Variants in SMARCAL1 observed in about 807,000 individuals in gnomAD.
The protein encoded by SMARCAL1 is SNF2 related chromatin remodeling annealing helicase 1.
Under a neutral mutation model 94.5 loss-of-function variants are expected in SMARCAL1, and 58 were observed. That is an observed-to-expected ratio of 0.61 (90% CI 0.50 to 0.76). The LOEUF (loss-of-function observed/expected upper bound fraction) is 0.76. Ranked by LOEUF, SMARCAL1 falls within the 30% of genes least tolerant of loss-of-function variation. The pLI is 0.00. For synonymous variants in SMARCAL1, 422 were observed against 455.1 expected (o/e 0.93, Z 0.93); for missense variants, 1,051 against 1,177.9 (o/e 0.89, Z 1.58).
intron 7 of SMARCAL1, 130 bp from the exon 8 acceptor site, chr2:216,432,588 G>A (rs924142656): frequency 1.5e-4 from 155 of 1,039,514 alleles, no homozygotes; most frequent in East Asian, 1.4e-3. Context: ...TGGGGAGCAA[G>A]TCTGGTGGTG....
intron 12 of SMARCAL1, among the ~76,000 whole-genome samples, chr2:216,464,302 C>G (rs1363258780): frequency 6.6e-6 from 1 of 152,194 alleles, no homozygotes; most frequent in African/African-American, 2.4e-5. Flanking sequence ...TATGGTGAAG[C>G]CCTACCTGAA....
At position 216,428,800 on chromosome 2, in the gene SMARCAL1, C is replaced by T. The variant is rs765624418; in HGVS notation, c.1334+18C>T. On this transcript the variant is annotated intron_variant, in intron 7 of 17. Transcript: ENST00000357276. ...GGAGTCAAGTAGGTTCTTGATCTTC[C>T]TCTCTCTTCCTCTGTTGCTCAAATT... 1 of 1,604,558 alleles carries T rather than the reference C, an allele frequency of 6.2e-7. No individual in the cohort carries two copies. Among genetic ancestry groups the T allele is most frequent in the Non-Finnish European group, 8.5e-7 (1 of 1,171,556 alleles).
At chr2:216,460,084 A>T (rs1694661927) in intron 12 of SMARCAL1, among the ~76,000 whole-genome samples, 2 of 152,216 alleles carry the variant, frequency 1.3e-5, no homozygotes, top group African/African-American at 4.8e-5. Context: ...CACATGAAAA[A>T]ATGCTCATCA....
chr2:216,416,073 A>G (rs889634585), intron 3 of SMARCAL1, 184 bp from the exon 4 acceptor site: 30 of 595,238 alleles, frequency 5.0e-5, no homozygotes, highest in East Asian at 4.6e-4. Flanking sequence ...ATTCCACTAC[A>G]TGGAATAAAA....
At chr2:216,444,932 C>T (rs1694273909) in intron 10 of SMARCAL1, among the ~76,000 whole-genome samples, 1 of 152,218 alleles carries the variant, frequency 6.6e-6, no homozygotes, top group Non-Finnish European at 1.5e-5. Context: ...TTCCCACCCC[C>T]AACCCACGAA....
At chr2:216,422,830 C>T (rs367845017) in intron 5 of SMARCAL1, among the ~76,000 whole-genome samples, 1 of 152,178 alleles carries the variant, frequency 6.6e-6, no homozygotes, top group Admixed American at 6.5e-5. Context: ...AGAGAAATTC[C>T]TCTATTTAAA....
In SMARCAL1 at chr2:216,428,797, T is replaced by A. The variant is rs1422007189; in HGVS notation, c.1334+15T>A. 3 of 1,604,066 alleles carry A rather than the reference T, an allele frequency of 1.9e-6. No homozygotes were observed. Among genetic ancestry groups the A allele is most frequent in the Admixed American group, 1.7e-5 (1 of 59,998 alleles). On this transcript the variant is annotated intron_variant, in intron 7 of 17. Transcript: ENST00000357276. ...GCTGGAGTCAAGTAGGTTCTTGATC[T>A]TCCTCTCTCTTCCTCTGTTGCTCAA...
intron 13 of SMARCAL1, among the ~76,000 whole-genome samples, chr2:216,465,542 T>C (rs1358270235): frequency 6.6e-6 from 1 of 152,262 alleles, no homozygotes; most frequent in East Asian, 1.9e-4. Context: ...TTCCACCTTA[T>C]AAATTAAAGC....
At chr2:216,420,868 A>G (rs1333379576) in intron 5 of SMARCAL1, among the ~76,000 whole-genome samples, 2 of 152,246 alleles carry the variant, frequency 1.3e-5, no homozygotes, top group Non-Finnish European at 2.9e-5. Flanking sequence ...GGTGGTTGCC[A>G]TAAAAATAAA....
chr2:216,448,049 A>G (rs1163183051), intron 11 of SMARCAL1, among the ~76,000 whole-genome samples: 1 of 152,202 alleles, frequency 6.6e-6, no homozygotes, highest in Non-Finnish European at 1.5e-5. Flanking sequence ...GAAGAAAAAA[A>G]GTTTTCAAGT....
At chr2:216,472,156 A>G (rs1307681590) in intron 14 of SMARCAL1, among the ~76,000 whole-genome samples, 1 of 152,186 alleles carries the variant, frequency 6.6e-6, no homozygotes, top group African/African-American at 2.4e-5. Flanking sequence ...GGAATTCTAG[A>G]TCAGCCTGGA....
At chr2:216,445,515 T>G (rs945276974) in intron 10 of SMARCAL1, among the ~76,000 whole-genome samples, 76 of 152,318 alleles carry the variant, frequency 5.0e-4, no homozygotes, top group Non-Finnish European at 9.0e-4. Flanking sequence ...CATGAACTGT[T>G]TTTGCCCTGG....
intron 10 of SMARCAL1, 192 bp from the exon 11 acceptor site, chr2:216,446,826 A>T: frequency 1.5e-6 from 1 of 688,934 alleles, no homozygotes; most frequent in Admixed American, 2.0e-5. Context: ...AGCTCAGCAG[A>T]GGGCAGGCAG....
chr2:216,477,291 C>A, intron 16 of SMARCAL1, 82 bp downstream of exon 16: 1 of 1,029,748 alleles, frequency 9.7e-7, no homozygotes, highest in Non-Finnish European at 1.5e-6. Flanking sequence ...TCCCAAAGTG[C>A]TTCTGCTTTT....
intron 11 of SMARCAL1, among the ~76,000 whole-genome samples, chr2:216,448,813 C>T (rs761344904): frequency 2.0e-4 from 30 of 150,380 alleles, no homozygotes; most frequent in Non-Finnish European, 4.0e-4. Flanking sequence ...GCCTGGGCGA[C>T]AGAGTAAGAC....
rs200632025 is a variant in SMARCAL1, at chr2:216,482,965, G to C, written c.2853G>C (p.Thr951=). ...TTTTTGATAACTGGGACAGCTTTAC[G>C]TCTCCCCTGTAAAAGGGGCAAAAAG... ...FEFFDNWDSF[T]SPL Residue 951 remains threonine (T), a synonymous_variant, in exon 18 of 18, where the codon ACG becomes ACC. Coordinates refer to ENST00000357276, the MANE Select transcript of SMARCAL1 (RefSeq NM_014140.4). The surrounding 1 kb of genome is among the most constrained non-coding windows in gnomAD (Gnocchi z 4.3). The C allele has an allele frequency of 1.9e-6, 3 of 1,613,962 alleles. No individual in the cohort carries two copies. In the South Asian group the frequency reaches 3.3e-5, roughly 18 times the overall value.
rs142744498 is a variant in SMARCAL1, at chr2:216,425,518, G to A, written c.1147+1835G>A. 7.5e-3 allele frequency among the ~76,000 whole-genome samples: 1,142 copies of A among 152,286 alleles called. 15 individuals are homozygous for A. Among genetic ancestry groups the A allele is most frequent in the South Asian group, 0.058 (281 of 4,816 alleles). On this transcript the variant is annotated intron_variant, in intron 6 of 17. Transcript: ENST00000357276. ...TTGCCACTCTTCACTCCTGTGGTTC[G>A]GCAGACAGGAGCATGTCACTGCCTG...
At chr2:216,414,595 T>C (rs1446958999) in intron 2 of SMARCAL1, 52 bp from the exon 3 acceptor site, 2 of 925,596 alleles carry the variant, frequency 2.2e-6, no homozygotes, top group Non-Finnish European at 3.5e-6. Flanking sequence ...GGTTGGAGTA[T>C]GACAATTAAT....
chr2:216,478,776 T>C (rs1483774558), intron 17 of SMARCAL1, among the ~76,000 whole-genome samples: 3 of 152,236 alleles, frequency 2.0e-5, no homozygotes, highest in Admixed American at 2.0e-4. Context: ...GGCAGTATAG[T>C]AGGTTTGCAC....
Sources: allele counts gnomAD v4.1 joint callset (sites outside exome capture counted in the v4.1 genomes callset), GRCh38; gene constraint gnomAD v4.1.1; non-coding constraint Gnocchi (gnomAD v3.1); transcripts MANE v1.5; gene names NCBI Gene and HGNC (gene_info 2026-07-23, HGNC 2026-07-21).